SHCBP1: variants seen among roughly 807,000 people sequenced by gnomAD.
The protein encoded by SHCBP1 is SHC SH2 domain-binding protein 1.
SHCBP1 carries 60 observed loss-of-function variants against 75.1 expected under a neutral mutation model. The ratio of observed to expected loss-of-function variants is 0.80; its 90% CI spans 0.65 to 0.99. The LOEUF is 0.99. SHCBP1 is among the 50% of genes least tolerant of loss of function. SHCBP1 has a pLI of 0.00. For missense variants in SHCBP1, 709 were observed against 809.4 expected (o/e 0.88, Z 1.50); for synonymous variants, 290 against 293.2 (o/e 0.99, Z 0.11).
rs995258031 is a variant in SHCBP1 at position 46,600,025 on chromosome 16, G to C, written c.1214-63C>G. Reference sequence around the variant, plus strand: ...GGAAAAACATCTAAACGTGAACACTGTAGAACAAGTTTCTCTAGTTTAAAT... The same window carrying C: ...GGAAAAACATCTAAACGTGAACACTCTAGAACAAGTTTCTCTAGTTTAAAT... On this transcript the variant is annotated intron_variant, in intron 8 of 12. Transcript: ENST00000303383. 6 of 1,567,958 alleles carry C rather than the reference G, an allele frequency of 3.8e-6. No homozygotes were observed. The African/African-American group carries it at 8.2e-5, about 21-fold the overall frequency.
intron 10 of SHCBP1, among the ~76,000 whole-genome samples, chr16:46,592,281 AC>A (rs1965058696): frequency 2.0e-5 from 3 of 152,136 alleles, no homozygotes. Context: ...ATTACTATAT[AC>A]CCTGCAGATA....
rs767814496 is a variant in SHCBP1, at chr16:46,621,308, G to A, written c.52C>T (p.Pro18Ser). 4 of 1,611,152 alleles carry A rather than the reference G, an allele frequency of 2.5e-6. No homozygotes were observed. The highest frequency in any genetic ancestry group is 2.2e-5 in the South Asian group (2 of 90,990). The part of the protein sequence containing the change: ...GGGLEAAAMA[P>S]ERMGWAVEQE... ...TCCACCGCCCAGCCCATGCGCTCCG[G>A]CGCCATGGCCGCTGCCTCCAGACCG... Residue 18 changes from proline (P) to serine (S), a missense_variant, in exon 1 of 13, where the codon CCG becomes TCG. Transcript: ENST00000303383.
In SHCBP1 at chr16:46,592,951, CAAAAAAAAA is replaced by C; in HGVS notation, c.1464+2592_1464+2600del. ...AACATCCACTTATGATAAAAATTCT[CAAAAAAAAA>C]AAAAAAAAAAAAAAAAGCAGAAATT... is the stretch of plus-strand genomic sequence containing the variant. On this transcript the variant is annotated intron_variant, in intron 10 of 12. Transcript: ENST00000303383. Among the ~76,000 whole-genome samples, 27 of 22,798 alleles carry C rather than the reference CAAAAAAAAA, an allele frequency of 1.2e-3. 1 individual carries two copies. The highest frequency in any genetic ancestry group is 3.7e-3 in the South Asian group (1 of 272). 15.0% of individuals were successfully genotyped at this position (22,798 alleles called of 152,430 possible).
Position 46,618,254 on chromosome 16 carries a change from A to G in SHCBP1, c.222T>C (p.Asn74=). ...TGAATCGCTCATAGAACAAAAGTTG[A>G]TTTGTTTGGAAAATTTCTGGGAAAA... is the stretch of plus-strand genomic sequence containing the variant. The part of the protein sequence containing the change: ...KTFFPEIFQT[N]QLLFYERFRA... Residue 74 remains asparagine (N), a synonymous_variant, in exon 2 of 13, where the codon AAT becomes AAC. Coordinates refer to ENST00000303383, the MANE Select transcript of SHCBP1 (RefSeq NM_024745.5). 1.2e-6 allele frequency: 2 copies of G among 1,613,126 alleles called. No homozygotes were observed. The highest frequency in any genetic ancestry group is 1.3e-5 in the African/African-American group (1 of 74,952).
intron 5 of SHCBP1, among the ~76,000 whole-genome samples, chr16:46,606,113 CTTAT>C (rs1965323930): frequency 6.6e-6 from 1 of 151,852 alleles, no homozygotes; most frequent in African/African-American, 2.4e-5. Context: ...TGCCCGTTAG[CTTAT>C]TTCTTTTCAT....
chr16:46,582,077 A>C (rs1244322936), intron 12 of SHCBP1, 23 bp from the exon 13 acceptor site: 1 of 1,577,642 alleles, frequency 6.3e-7, no homozygotes, highest in African/African-American at 1.4e-5. Flanking sequence ...ACAAATAATA[A>C]CAAAGTTAAA....
intron 4 of SHCBP1, among the ~76,000 whole-genome samples, chr16:46,611,638 T>G (rs938283311): frequency 6.6e-6 from 1 of 152,262 alleles, no homozygotes; most frequent in Non-Finnish European, 1.5e-5. Context: ...GATGTTTTCA[T>G]GACCAGAAAT....
At chr16:46,617,987 G>A (rs1179198241) in intron 2 of SHCBP1, among the ~76,000 whole-genome samples, 2 of 152,208 alleles carry the variant, frequency 1.3e-5, no homozygotes, top group Non-Finnish European at 2.9e-5. Context: ...AGACCAGCCT[G>A]ACGAAAATGG....
At chr16:46,613,900 A>C (rs146802638) in intron 4 of SHCBP1, among the ~76,000 whole-genome samples, 21 of 152,276 alleles carry the variant, frequency 1.4e-4, no homozygotes, top group Non-Finnish European at 2.1e-4. Context: ...ACTGATCCAA[A>C]TCTCAGCCCT....
chr16:46,601,794 A>AT (rs1258778549), intron 8 of SHCBP1, among the ~76,000 whole-genome samples: 3 of 152,256 alleles, frequency 2.0e-5, no homozygotes, highest in Non-Finnish European at 4.4e-5. Context: ...TTTTACACAA[A>AT]TTTTTATATA....
chr16:46,617,896 C>A (rs762509854), intron 2 of SHCBP1, 147 bp from the exon 3 acceptor site: 7 of 734,010 alleles, frequency 9.5e-6, no homozygotes, highest in African/African-American at 1.8e-5. Flanking sequence ...ATGCAAAAAA[C>A]CAGCCAGGCA....
chr16:46,586,726 T>C (rs192097318), intron 10 of SHCBP1, among the ~76,000 whole-genome samples: 2 of 152,298 alleles, frequency 1.3e-5, no homozygotes, highest in Admixed American at 1.3e-4. Flanking sequence ...TTTTATGCCT[T>C]ACCTATAGGA....
intron 9 of SHCBP1, among the ~76,000 whole-genome samples, chr16:46,596,906 T>C (rs1178509038): frequency 6.6e-6 from 1 of 151,070 alleles, no homozygotes; most frequent in Non-Finnish European, 1.5e-5. Context: ...TTTTGTATTT[T>C]TAGTAGAGAC....
Position 46,578,635 on chromosome 16 carries a change from TAAAA to T in SHCBP1, c.*3090_*3093del, listed in dbSNP as rs1232181709. Among the ~76,000 whole-genome samples the T allele has an allele frequency of 6.6e-6, 1 of 151,892 alleles. No homozygotes were observed. Among genetic ancestry groups the T allele is most frequent in the Non-Finnish European group, 1.5e-5 (1 of 67,946 alleles). On this transcript the variant is annotated 3_prime_UTR_variant, in exon 13 of 13. Transcript: ENST00000303383. ...ATTTTTTTCTATTAATAGTGAGAACTAAAAAAAGAGGAGAATGTTCACCACATAT... is the reference window on the plus strand; with the variant it reads ...ATTTTTTTCTATTAATAGTGAGAACTAAAGAGGAGAATGTTCACCACATAT...
chr16:46,615,133 G>A (rs1965474773), intron 4 of SHCBP1, among the ~76,000 whole-genome samples: 2 of 152,150 alleles, frequency 1.3e-5, no homozygotes, highest in Non-Finnish European at 2.9e-5. Context: ...CACTTAATGA[G>A]TAGTAAATAC....
chr16:46,592,167 G>A (rs1490364634), intron 10 of SHCBP1, among the ~76,000 whole-genome samples: 2 of 151,340 alleles, frequency 1.3e-5, no homozygotes, highest in East Asian at 1.9e-4. Flanking sequence ...ATTGAAAACA[G>A]AACAATTATC....
In SHCBP1 at chr16:46,588,005, GAA is replaced by G. The variant is rs1288969462; in HGVS notation, c.1465-3918_1465-3917del. Among the ~76,000 whole-genome samples the G allele has an allele frequency of 3.3e-5, 5 of 152,282 alleles. No homozygotes were observed. The East Asian group carries it at 9.6e-4, about 29-fold the overall frequency. On this transcript the variant is annotated intron_variant, in intron 10 of 12. Coordinates refer to ENST00000303383, the MANE Select transcript of SHCBP1 (RefSeq NM_024745.5). ...CAATCAAACTAGAACTGAGGATTAA[GAA>G]ACTCACTCAAAACAAAACTGCTCCA...
intron 10 of SHCBP1, among the ~76,000 whole-genome samples, chr16:46,594,984 A>G (rs116683325): frequency 6.6e-6 from 1 of 152,232 alleles, no homozygotes; most frequent in African/African-American, 2.4e-5. Flanking sequence ...AGAAAAGCCA[A>G]TCCCAAAGAG....
At chr16:46,587,352 G>A (rs926763405) in intron 10 of SHCBP1, among the ~76,000 whole-genome samples, 4 of 152,006 alleles carry the variant, frequency 2.6e-5, no homozygotes, top group Non-Finnish European at 5.9e-5. Flanking sequence ...CCACAGGATG[G>A]CAGAAAAAAA....
Sources: gnomAD v4.1 joint callset for allele counts (sites outside exome capture counted in the v4.1 genomes callset) on GRCh38, gnomAD v4.1.1 for gene constraint, MANE v1.5 for transcripts, NCBI Gene and HGNC (gene_info 2026-07-23, HGNC 2026-07-21) for gene names.